CDH13: variants seen among roughly 807,000 people sequenced by gnomAD.
The protein encoded by CDH13 is cadherin-13.
In CDH13, 24 loss-of-function variants were observed where a neutral mutation model predicts 63.8. That is an observed-to-expected ratio of 0.38 (90% CI 0.27 to 0.53). The LOEUF (loss-of-function observed/expected upper bound fraction) is 0.53, where lower values mean the gene tolerates loss of function less well. CDH13 is among the 20% of genes least tolerant of loss of function. The pLI is 0.85. For missense variants in CDH13, 1,049 were observed against 903.1 expected (o/e 1.16, Z -2.07); for synonymous variants, 503 against 355.3 (o/e 1.42, Z -4.67).
intron 1 of CDH13, among the ~76,000 whole-genome samples, chr16:82,785,670 A>G (rs1227722579): frequency 6.6e-6 from 1 of 152,234 alleles, no homozygotes; most frequent in Admixed American, 6.5e-5. Flanking sequence ...ATGGATTCCT[A>G]ATTGAGGACA....
intron 6 of CDH13, among the ~76,000 whole-genome samples, chr16:83,423,673 C>T (rs2151473870): frequency 1.3e-5 from 2 of 152,282 alleles, no homozygotes; most frequent in African/African-American, 4.8e-5. Flanking sequence ...GATCATATGT[C>T]TGTTGCAGTG....
intron 7 of CDH13, among the ~76,000 whole-genome samples, chr16:83,514,894 T>A (rs1292593204): frequency 1.3e-5 from 2 of 152,078 alleles, no homozygotes; most frequent in Non-Finnish European, 2.9e-5. Context: ...TAGAGTAAAT[T>A]TCTGTTGTTT....
At chr16:82,704,928 G>C in intron 1 of CDH13, 1 of 332,732 alleles carries the variant, frequency 3.0e-6, no homozygotes, top group Non-Finnish European at 5.9e-6. Flanking sequence ...AACAAATCAA[G>C]CCCGGGATAT....
intron 3 of CDH13, among the ~76,000 whole-genome samples, chr16:83,068,660 G>A (rs1048862348): frequency 4.6e-5 from 7 of 152,038 alleles, no homozygotes; most frequent in African/African-American, 1.7e-4. Context: ...CATCTTTAAT[G>A]CCATTAATTA....
chr16:82,885,193 G>C (rs947520075), intron 2 of CDH13, among the ~76,000 whole-genome samples: 3 of 152,112 alleles, frequency 2.0e-5, no homozygotes, highest in African/African-American at 7.2e-5. Flanking sequence ...CTACTCTTAT[G>C]GCTTTGCATT....
intron 1 of CDH13, among the ~76,000 whole-genome samples, chr16:82,676,808 G>T (rs921151869): frequency 6.6e-6 from 1 of 152,038 alleles, no homozygotes; most frequent in South Asian, 2.1e-4. Flanking sequence ...CCCAGTCCTT[G>T]TTAAGTTGCT....
chr16:82,667,002 C>T (rs1222734489), intron 1 of CDH13, among the ~76,000 whole-genome samples: 1 of 152,160 alleles, frequency 6.6e-6, no homozygotes. Flanking sequence ...ACGCTTTGCC[C>T]TACTGCTTGC....
chr16:83,430,593 A>G (rs971271767), intron 6 of CDH13, among the ~76,000 whole-genome samples: 1 of 152,144 alleles, frequency 6.6e-6, no homozygotes, highest in Non-Finnish European at 1.5e-5. Flanking sequence ...AGAATTTCCA[A>G]GTCTCTGCTT....
At chr16:83,645,673 G>C (rs1911724371) in intron 8 of CDH13, among the ~76,000 whole-genome samples, 1 of 151,720 alleles carries the variant, frequency 6.6e-6, no homozygotes. Flanking sequence ...CCAATCACCA[G>C]AGCACTATGC....
At chr16:82,757,675 C>G (rs1383940938) in intron 1 of CDH13, among the ~76,000 whole-genome samples, 10 of 101,252 alleles carry the variant, frequency 9.9e-5, no homozygotes, top group Non-Finnish European at 7.1e-5. Context: ...GACAGAGTCT[C>G]TCTCTGTCTC....
chr16:83,398,638 AT>A (rs1555543069), intron 6 of CDH13, among the ~76,000 whole-genome samples: 1 of 92 alleles, frequency 0.011, no homozygotes, highest in African/African-American at 0.023. Flanking sequence ...TAGACCTGGA[AT>A]ATGGGGCCTG....
At position 83,780,113 on chromosome 16, in the gene CDH13, G is replaced by C. The variant is rs767608557; in HGVS notation, c.1827G>C (p.Lys609Asn). ...TAGTCATTTTGGGAGCATCAGATAA[G>C]GATCTTCACCCGAATACAGATCCTT... ...LSVVILGASD[K>N]DLHPNTDPFK... The change falls in exon 12 of 14, where the codon AAG (lysine) becomes AAC (asparagine). Residue 609 changes from lysine to asparagine, a missense_variant. Transcript: ENST00000567109. The C allele has an allele frequency of 9.9e-6, 16 of 1,613,610 alleles. No individual in the cohort carries two copies. Among genetic ancestry groups the C allele is most frequent in the Admixed American group, 1.7e-5 (1 of 59,952 alleles).
intron 8 of CDH13, among the ~76,000 whole-genome samples, chr16:83,635,733 A>G (rs902066735): frequency 1.3e-5 from 2 of 152,114 alleles, no homozygotes; most frequent in Admixed American, 1.3e-4. Flanking sequence ...TGGCTTGCAA[A>G]TATTTATCTC....
chr16:83,483,677 A>G (rs1321425934), intron 6 of CDH13, among the ~76,000 whole-genome samples: 1 of 152,158 alleles, frequency 6.6e-6, no homozygotes, highest in African/African-American at 2.4e-5. Flanking sequence ...TGATGGGGTT[A>G]AGGCCTCCTC....
chr16:83,260,768 C>G (rs756044139), intron 5 of CDH13, among the ~76,000 whole-genome samples: 4 of 152,134 alleles, frequency 2.6e-5, no homozygotes, highest in Non-Finnish European at 2.9e-5. Flanking sequence ...TCTCATTACT[C>G]ACATTTAGAG....
chr16:83,564,204 C>A (rs1339770550), intron 7 of CDH13, among the ~76,000 whole-genome samples: 1 of 151,810 alleles, frequency 6.6e-6, no homozygotes, highest in Non-Finnish European at 1.5e-5. Context: ...CAGGTGAATC[C>A]CCAGAGATGA....
intron 2 of CDH13, among the ~76,000 whole-genome samples, chr16:82,869,825 C>G (rs921238963): frequency 6.6e-6 from 1 of 152,042 alleles, no homozygotes; most frequent in Non-Finnish European, 1.5e-5. Flanking sequence ...ATACAAAAAG[C>G]AAATCAAAAT....
chr16:83,139,489 C>T (rs990393723), intron 4 of CDH13, among the ~76,000 whole-genome samples: 1 of 152,214 alleles, frequency 6.6e-6, no homozygotes, highest in East Asian at 1.9e-4. Context: ...ACACAATTCA[C>T]AGGCTCTGTG....
chr16:83,751,155 A>C (rs1913049929), intron 11 of CDH13, among the ~76,000 whole-genome samples: 1 of 152,182 alleles, frequency 6.6e-6, no homozygotes. Context: ...CTGAATGCCC[A>C]GCACCTACCA....
Sources: gnomAD v4.1 joint callset for allele counts (sites outside exome capture counted in the v4.1 genomes callset) on GRCh38, gnomAD v4.1.1 for gene constraint, MANE v1.5 for transcripts, NCBI Gene and HGNC (gene_info 2026-07-23, HGNC 2026-07-21) for gene names.